SNN: variants seen among roughly 807,000 people sequenced by gnomAD.
SNN encodes the protein AG8_1.
In SNN, 5 loss-of-function variants were observed where a neutral mutation model predicts 5.3. That is an observed-to-expected ratio of 0.94 (90% CI 0.49 to 1.97). The LOEUF is 1.97. Ranked by LOEUF, SNN falls within the 30% of genes most tolerant of loss-of-function variation. SNN has a pLI of 0.01. For synonymous variants in SNN, 67 were observed against 52.1 expected, an observed-to-expected ratio of 1.29 and a Z score of -1.24; for missense variants, 127 against 121.6, an observed-to-expected ratio of 1.04 and a Z score of -0.21.
At chr16:11,673,470 T>C (rs1597388783) in intron 1 of SNN, among the ~76,000 whole-genome samples, 1 of 152,296 alleles carries the variant, frequency 6.6e-6, no homozygotes, top group East Asian at 1.9e-4. Context: ...CCAGAGCTGG[T>C]ATTAACCGGG....
rs1157281228 is a variant in SNN, at chr16:11,678,843, G to A, written c.*2517G>A. On this transcript the variant is annotated 3_prime_UTR_variant, in exon 2 of 2. Transcript: ENST00000329565. ...GATTATTTTTGAATGCCCAACTGTT[G>A]CATTCAAGTTTTCTGACTAATAAGA... 1 of 257,818 alleles carries A rather than the reference G, an allele frequency of 3.9e-6. No individual in the cohort carries two copies. Among genetic ancestry groups the A allele is most frequent in the Non-Finnish European group, 8.0e-6 (1 of 124,484 alleles). 16.0% of individuals were successfully genotyped at this position (257,818 alleles called of 1,614,324 possible). A position where few individuals can be genotyped will look rare whatever the true frequency, so the allele number is the denominator to read the frequency against.
chr16:11,671,064 C>T lies in SNN; in HGVS notation c.-86+2524C>T, dbSNP rs7193637. On this transcript the variant is annotated intron_variant, in intron 1 of 1. Transcript: ENST00000329565. The surrounding 1 kb of genome is among the most constrained non-coding windows in gnomAD (Gnocchi z 4.7). ...AGTGGCCAAGGGCGGTGCAGGCCCCCGCTCACCTGGCATGGCTCAGGCTTG... is the reference window on the plus strand; with the variant it reads ...AGTGGCCAAGGGCGGTGCAGGCCCCTGCTCACCTGGCATGGCTCAGGCTTG... 0.57 allele frequency among the ~76,000 whole-genome samples: 87,074 copies of T among 152,126 alleles called. 25,588 individuals are homozygous for T. Among genetic ancestry groups the T allele is most frequent in the African/African-American group, 0.68 (28,246 of 41,504 alleles).
chr16:11,676,054 C>G lies in SNN; in HGVS notation c.-6C>G, dbSNP rs1203660680. On this transcript the variant is annotated 5_prime_UTR_variant, in exon 2 of 2. Coordinates refer to ENST00000329565, the MANE Select transcript of SNN (RefSeq NM_003498.6). ...CTGCCAGCCGAGGAAGCCCCCAGCA[C>G]TGACCATGTCTATTATGGACCACAG... is the stretch of plus-strand genomic sequence containing the variant. 2 of 1,589,878 alleles carry G rather than the reference C, an allele frequency of 1.3e-6. No homozygotes were observed. Among genetic ancestry groups the G allele is most frequent in the Non-Finnish European group, 8.6e-7 (1 of 1,164,668 alleles).
At position 11,679,037 on chromosome 16, in the gene SNN, G is replaced by A. The variant is rs1567282195; in HGVS notation, c.*2711G>A. On this transcript the variant is annotated 3_prime_UTR_variant, in exon 2 of 2. Coordinates refer to ENST00000329565, the MANE Select transcript of SNN (RefSeq NM_003498.6). The surrounding 1 kb of genome is among the most constrained non-coding windows in gnomAD (Gnocchi z 4.6). Reference sequence around the variant, plus strand: ...TACCAAGTTTGTGCAATAAGTGGAAGGGATGTCATCCTTCTTCAATAAATG... The same window carrying A: ...TACCAAGTTTGTGCAATAAGTGGAAAGGATGTCATCCTTCTTCAATAAATG... The A allele has an allele frequency of 5.2e-6, 4 of 772,104 alleles. No individual in the cohort carries two copies. In the East Asian group the frequency reaches 8.2e-5, roughly 16 times the overall value. The allele number at this position is 772,104 out of a possible 1,614,324, so 47.8% of individuals were successfully genotyped here.
intron 1 of SNN, among the ~76,000 whole-genome samples, chr16:11,669,340 C>T (rs2050251242): frequency 6.6e-6 from 1 of 152,268 alleles, no homozygotes; most frequent in African/African-American, 2.4e-5. Context: ...CCAGCCCGCC[C>T]CAGCGAGGGC....
chr16:11,670,968 A>G (rs2050262767), intron 1 of SNN, among the ~76,000 whole-genome samples: 1 of 152,074 alleles, frequency 6.6e-6, no homozygotes, highest in Non-Finnish European at 1.5e-5. Flanking sequence ...CCAGTTACGG[A>G]TCTCTGTGGG....
At position 11,676,719 on chromosome 16, in the gene SNN, C is replaced by G; in HGVS notation, c.*393C>G. 2 of 215,706 alleles carry G rather than the reference C, an allele frequency of 9.3e-6. No homozygotes were observed. Among genetic ancestry groups the G allele is most frequent in the South Asian group, 2.1e-4 (2 of 9,722 alleles). The allele number at this position is 215,706 out of a possible 1,614,324, so 13.4% of individuals were successfully genotyped here. A position where few individuals can be genotyped will look rare whatever the true frequency, so the allele number is the denominator to read the frequency against. On this transcript the variant is annotated 3_prime_UTR_variant, in exon 2 of 2. Coordinates refer to ENST00000329565, the MANE Select transcript of SNN (RefSeq NM_003498.6). ...TTTTGCTGATTTTTAAAAATATCAT[C>G]TAGCGCACACGGGACTGGTATTCTG... is the stretch of plus-strand genomic sequence containing the variant.
chr16:11,669,157 C>G (rs2050248983), intron 1 of SNN, among the ~76,000 whole-genome samples: 1 of 152,202 alleles, frequency 6.6e-6, no homozygotes, highest in Non-Finnish European at 1.5e-5. Flanking sequence ...CTCCCTGGAG[C>G]CTCGCTTTGC....
In SNN at chr16:11,676,185, C is replaced by G; in HGVS notation, c.126C>G (p.Ser42Arg). 1 of 1,614,234 alleles carries G rather than the reference C, an allele frequency of 6.2e-7. No homozygotes were observed. Among genetic ancestry groups the G allele is most frequent in the Non-Finnish European group, 8.5e-7 (1 of 1,180,046 alleles). ...CWCYLRLQRISQSEDEESIVG... is the reference protein window; with the variant it reads ...CWCYLRLQRIRQSEDEESIVG... ...GCTACCTGCGGCTGCAGCGCATCAG[C>G]CAGTCAGAGGACGAGGAGAGCATCG... Residue 42 changes from serine to arginine, a missense_variant, in exon 2 of 2, where the codon AGC (serine) becomes AGG (arginine). Transcript: ENST00000329565.
At chr16:11,675,434 A>G (rs1331554056) in intron 1 of SNN, among the ~76,000 whole-genome samples, 1 of 151,716 alleles carries the variant, frequency 6.6e-6, no homozygotes, top group African/African-American at 2.4e-5. Flanking sequence ...TGCCCAGCTA[A>G]TTATTGTATT....
rs2050269638 is a variant in SNN at position 11,672,128 on chromosome 16, T to C, written c.-86+3588T>C. ...AACAGGGTCTCCTCTAACTCATCAC[T>C]GTATCTGCAGGGAGGGAACACTCAA... On this transcript the variant is annotated intron_variant, in intron 1 of 1. Coordinates refer to ENST00000329565, the MANE Select transcript of SNN (RefSeq NM_003498.6). This position sits in a 1 kb window ranked among gnomAD's most constrained non-coding sequence, Gnocchi z 6.0. Among the ~76,000 whole-genome samples, 1 of 152,160 alleles carries C rather than the reference T, an allele frequency of 6.6e-6. No individual in the cohort carries two copies. Among genetic ancestry groups the C allele is most frequent in the African/African-American group, 2.4e-5 (1 of 41,426 alleles).
At chr16:11,675,734 G>A (rs1025783769) in intron 1 of SNN, among the ~76,000 whole-genome samples, 2 of 152,192 alleles carry the variant, frequency 1.3e-5, no homozygotes, top group Non-Finnish European at 2.9e-5. Context: ...TGCAGCTGTC[G>A]CTGTCGCAGT....
chr16:11,670,073 T>G (rs1193261278), intron 1 of SNN, among the ~76,000 whole-genome samples: 1 of 152,170 alleles, frequency 6.6e-6, no homozygotes, highest in Non-Finnish European at 1.5e-5. Context: ...AGAACGGACG[T>G]CCCGCCTCGT....
chr16:11,674,918 T>C (rs1258858045), intron 1 of SNN, among the ~76,000 whole-genome samples: 4 of 152,160 alleles, frequency 2.6e-5, no homozygotes, highest in Non-Finnish European at 4.4e-5. Flanking sequence ...GCGCCTGCAT[T>C]AGATGCTAAG....
At chr16:11,670,763 TG>T (rs2050261616) in intron 1 of SNN, among the ~76,000 whole-genome samples, 1 of 152,230 alleles carries the variant, frequency 6.6e-6, no homozygotes, top group East Asian at 1.9e-4. Flanking sequence ...CTGCGGTCTG[TG>T]GGCCCCCCGG....
At position 11,678,530 on chromosome 16, in the gene SNN, G is replaced by A; in HGVS notation, c.*2204G>A. 1 of 167,192 alleles carries A rather than the reference G, an allele frequency of 6.0e-6. No individual in the cohort carries two copies. The allele number at this position is 167,192 out of a possible 1,614,324, so 10.4% of individuals were successfully genotyped here. On this transcript the variant is annotated 3_prime_UTR_variant, in exon 2 of 2. Transcript: ENST00000329565. ...GCCAGTGAAGTTTCGGTTTTGAAGT[G>A]ATTAAATGTCACTTCCTCATCAGTT...
At chr16:11,670,139 A>G (rs1315533312) in intron 1 of SNN, among the ~76,000 whole-genome samples, 1 of 152,042 alleles carries the variant, frequency 6.6e-6, no homozygotes, top group African/African-American at 2.4e-5. Flanking sequence ...TCCCAGTCAG[A>G]ACCTGGGGCA....
chr16:11,669,563 G>C (rs1022905906), intron 1 of SNN, among the ~76,000 whole-genome samples: 1 of 152,240 alleles, frequency 6.6e-6, no homozygotes, highest in African/African-American at 2.4e-5. Context: ...AGAGGGAACA[G>C]TAATAGCTCA....
chr16:11,669,302 T>C (rs1163698688), intron 1 of SNN, among the ~76,000 whole-genome samples: 1 of 152,130 alleles, frequency 6.6e-6, no homozygotes, highest in East Asian at 1.9e-4. Flanking sequence ...CTGTCACCCC[T>C]AAGTCCCCAG....
Sources: gnomAD v4.1 joint callset for allele counts (sites outside exome capture counted in the v4.1 genomes callset) on GRCh38, gnomAD v4.1.1 for gene constraint, Gnocchi (gnomAD v3.1) non-coding constraint, MANE v1.5 for transcripts, NCBI Gene and HGNC (gene_info 2026-07-23, HGNC 2026-07-21) for gene names.